PWWP3A: variants seen among roughly 807,000 people sequenced by gnomAD.
The protein encoded by PWWP3A is PWWP domain containing 3A, DNA repair factor.
Under a neutral mutation model 79.0 loss-of-function variants are expected in PWWP3A, and 53 were observed. That is an observed-to-expected ratio of 0.67 (90% confidence interval 0.54 to 0.84). PWWP3A has a LOEUF of 0.84. PWWP3A is among the 40% of genes least tolerant of loss of function. PWWP3A has a pLI of 0.00. For synonymous variants in PWWP3A, 443 were observed against 394.4 expected (o/e 1.12, Z -1.46); for missense variants, 973 against 948.0 (o/e 1.03, Z -0.35).
Position 1,360,229 on chromosome 19 carries a change from T to G in PWWP3A, c.308T>G (p.Ile103Ser). The G allele has an allele frequency of 6.2e-7, 1 of 1,613,884 alleles. No homozygotes were observed. The highest frequency in any genetic ancestry group is 2.2e-5 in the East Asian group (1 of 44,870). The change falls in exon 5 of 14, where the codon ATT becomes AGT. Residue 103 changes from isoleucine (I) to serine (S), a missense_variant. Physicochemically the swap from Ile to Ser is moderately radical, Grantham distance 142 (BLOSUM62 -2). Coordinates refer to ENST00000591337, the MANE Select transcript of PWWP3A (RefSeq NM_001369789.1). The surrounding 1 kb of genome is among the most constrained non-coding windows in gnomAD (Gnocchi z 4.4). ...VALDVLSEGS[I>S]WSQESSAGTG... ...CTGGACGTTCTGAGCGAGGGCTCGATTTGGAGTCAAGAAAGCTCTGCAGGG... is the reference window on the plus strand; with the variant it reads ...CTGGACGTTCTGAGCGAGGGCTCGAGTTGGAGTCAAGAAAGCTCTGCAGGG...
chr19:1,359,805 TGA>T (rs2081968673), intron 4 of PWWP3A: 1 of 198,572 alleles, frequency 5.0e-6, no homozygotes, highest in African/African-American at 2.3e-5. Flanking sequence ...ATTGTAAGGC[TGA>T]GAGAGGATTT....
intron 3 of PWWP3A, 63 bp downstream of exon 3, chr19:1,357,157 C>T: frequency 7.8e-7 from 1 of 1,279,650 alleles, no homozygotes; most frequent in African/African-American, 1.5e-5. Flanking sequence ...CTTCAATCCC[C>T]TACTCCCCCA....
chr19:1,375,391 C>G (rs1204070028), intron 13 of PWWP3A, among the ~76,000 whole-genome samples: 2 of 135,322 alleles, frequency 1.5e-5, no homozygotes, highest in Non-Finnish European at 3.1e-5. Context: ...AACAACTGCC[C>G]TCTCATATAT....
In PWWP3A at chr19:1,368,299, A is replaced by G. The variant is rs981606761; in HGVS notation, c.1423-966A>G. Reference sequence around the variant, plus strand: ...GCAGGAAGTTCCGTGCCTTAAACGCAGAAGGGCTGCCGTTTATATCAAAAA... The same window carrying G: ...GCAGGAAGTTCCGTGCCTTAAACGCGGAAGGGCTGCCGTTTATATCAAAAA... On this transcript the variant is annotated intron_variant, in intron 9 of 13. Transcript: ENST00000591337. This position sits in a 1 kb window ranked among gnomAD's most constrained non-coding sequence, Gnocchi z 4.7. Among the ~76,000 whole-genome samples the G allele has an allele frequency of 6.6e-6, 1 of 152,178 alleles. No individual in the cohort carries two copies. Among genetic ancestry groups the G allele is most frequent in the Admixed American group, 6.5e-5 (1 of 15,284 alleles).
chr19:1,365,921 C>T (rs955995801), intron 7 of PWWP3A, among the ~76,000 whole-genome samples: 15 of 152,240 alleles, frequency 9.9e-5, no homozygotes, highest in African/African-American at 3.1e-4. Flanking sequence ...TGCCCCTCCC[C>T]GTGTGGCCTG....
rs754438911 is a variant in PWWP3A at position 1,376,295 on chromosome 19, G to GTTTTTTTTTTTT, written c.2076-213_2076-212insTTTTTTTTTTTT. ...CATGCGCCACCACGCCCGGCTGTTT[G>GTTTTTTTTTTTT]TTTTTTTTTTTGTTTGTTTTTTTTT... On this transcript the variant is annotated intron_variant, in intron 13 of 13. Transcript: ENST00000591337. 3.6e-4 allele frequency among the ~76,000 whole-genome samples: 24 copies of GTTTTTTTTTTTT among 67,060 alleles called. 5 individuals carry two copies. The highest frequency in any genetic ancestry group is 7.5e-4 in the East Asian group (2 of 2,656). The allele number at this position is 67,060 out of a possible 152,430, so 44.0% of individuals were successfully genotyped here. A position where few individuals can be genotyped will look rare whatever the true frequency, so the allele number is the denominator to read the frequency against.
chr19:1,358,549 A>G, intron 4 of PWWP3A, 85 bp downstream of exon 4: 1 of 1,603,044 alleles, frequency 6.2e-7, no homozygotes, highest in Non-Finnish European at 8.5e-7. Flanking sequence ...CTTTCTGGGT[A>G]AAAATTCACC....
chr19:1,356,904 G>T (rs1011970303), intron 2 of PWWP3A, 105 bp from the exon 3 acceptor site: 92 of 832,396 alleles, frequency 1.1e-4, no homozygotes, highest in Non-Finnish European at 1.7e-4. Flanking sequence ...AAATCCCATG[G>T]TTATAGGCCT....
At chr19:1,371,481 G>A (rs1177867446) in intron 12 of PWWP3A, 2 of 684,690 alleles carry the variant, frequency 2.9e-6, no homozygotes, top group African/African-American at 1.8e-5. Context: ...TTGAAAAACT[G>A]TAAGTGGATA....
chr19:1,362,364 CA>C lies in PWWP3A; in HGVS notation c.1213+14del, dbSNP rs757425518. 98 of 1,607,818 alleles carry C rather than the reference CA, an allele frequency of 6.1e-5. 1 individual carries two copies. The highest frequency in any genetic ancestry group is 1.7e-4 in the Middle Eastern group (1 of 5,756). ...CTTTTATACCACGGTAAGAAATGAT[CA>C]GGGGGCGCCGGCAGTCCTAACGGTG... On this transcript the variant is annotated intron_variant, in intron 6 of 13. Coordinates refer to ENST00000591337, the MANE Select transcript of PWWP3A (RefSeq NM_001369789.1).
At chr19:1,365,695 C>G (rs1006403120) in intron 7 of PWWP3A, among the ~76,000 whole-genome samples, 2 of 152,256 alleles carry the variant, frequency 1.3e-5, no homozygotes, top group African/African-American at 4.8e-5. Context: ...GGTAGTCTTT[C>G]CCTTGTTTTC....
At chr19:1,374,567 T>C (rs2082325969) in intron 13 of PWWP3A, among the ~76,000 whole-genome samples, 1 of 152,172 alleles carries the variant, frequency 6.6e-6, no homozygotes, top group Admixed American at 6.5e-5. Flanking sequence ...GCGGCCGGTG[T>C]GCTCTCCCCT....
intron 4 of PWWP3A, chr19:1,359,567 A>G (rs1427446318): frequency 6.6e-6 from 1 of 152,030 alleles, no homozygotes; most frequent in Admixed American, 6.6e-5. Flanking sequence ...TGAATAAATA[A>G]AAGTGCTGCA....
Position 1,371,869 on chromosome 19 carries a change from G to A in PWWP3A, c.1986+791G>A, listed in dbSNP as rs2668425. On this transcript the variant is annotated intron_variant, in intron 12 of 13. Coordinates refer to ENST00000591337, the MANE Select transcript of PWWP3A (RefSeq NM_001369789.1). Reference sequence around the variant, plus strand: ...GTCACCCAGGTTGGAGTGCAGTGGCGCAATCTCGGCTCACTGCAAGCTCTG... The same window carrying A: ...GTCACCCAGGTTGGAGTGCAGTGGCACAATCTCGGCTCACTGCAAGCTCTG... 1.4e-3 allele frequency among the ~76,000 whole-genome samples: 206 copies of A among 148,148 alleles called. 1 individual carries two copies. The highest frequency in any genetic ancestry group is 4.8e-3 in the African/African-American group (191 of 39,856).
chr19:1,363,473 A>G (rs1427785453), intron 6 of PWWP3A, among the ~76,000 whole-genome samples: 2 of 152,166 alleles, frequency 1.3e-5, no homozygotes, highest in Admixed American at 1.3e-4. Context: ...TCATTTCTGC[A>G]GGATCCGTTC....
Position 1,368,555 on chromosome 19 carries a change from G to A in PWWP3A, c.1423-710G>A, listed in dbSNP as rs962220416. Among the ~76,000 whole-genome samples, 3 of 152,144 alleles carry A rather than the reference G, an allele frequency of 2.0e-5. No individual in the cohort carries two copies. The highest frequency in any genetic ancestry group is 3.9e-4 in the East Asian group (2 of 5,180). ...TGGGATGTGCTTATGGGGTGCCCCC[G>A]TACCCCTAGTGGCCCTCGGCTCCAG... On this transcript the variant is annotated intron_variant, in intron 9 of 13. Transcript: ENST00000591337. The surrounding 1 kb of genome is among the most constrained non-coding windows in gnomAD (Gnocchi z 4.7).
intron 3 of PWWP3A, chr19:1,357,989 C>CCTTCCCGAGGTAATT (rs1202544619): frequency 1.2e-5 from 2 of 167,576 alleles, no homozygotes; most frequent in Non-Finnish European, 2.5e-5. Context: ...ATTGAATACT[C>CCTTCCCGAGGTAATT]GAGTTTAAAA....
intron 7 of PWWP3A, 152 bp from the exon 8 acceptor site, chr19:1,366,153 T>C (rs2082123175): frequency 1.4e-6 from 1 of 730,616 alleles, no homozygotes; most frequent in African/African-American, 1.8e-5. Flanking sequence ...ATGGGGCCGT[T>C]TCTCAGCGCC....
chr19:1,366,163 C>T (rs1333226738), intron 7 of PWWP3A, 142 bp from the exon 8 acceptor site: 5 of 768,088 alleles, frequency 6.5e-6, no homozygotes, highest in African/African-American at 5.2e-5. Context: ...TTCTCAGCGC[C>T]TCCTTGCGGG....
Sources: gnomAD v4.1 joint callset for allele counts (sites outside exome capture counted in the v4.1 genomes callset) on GRCh38, gnomAD v4.1.1 for gene constraint, Gnocchi (gnomAD v3.1) non-coding constraint, MANE v1.5 for transcripts, NCBI Gene and HGNC (gene_info 2026-07-23, HGNC 2026-07-21) for gene names.